SPMIP2: variants seen among roughly 807,000 people sequenced by gnomAD.
The protein encoded by SPMIP2 is sperm microtubule inner protein 2, also known as protein SPMIP2.
chr4:158,911,572 A>G, the SPMIP2 span, among the ~76,000 whole-genome samples: 4 of 73,224 alleles, frequency 5.5e-5, no homozygotes, highest in African/African-American at 3.0e-4. Flanking sequence ...TTGCCTCATC[A>G]AGTCCCCCGT....
chr4:159,025,827 G>A, the SPMIP2 span, among the ~76,000 whole-genome samples: 93 of 152,190 alleles, frequency 6.1e-4, no homozygotes, highest in Middle Eastern at 3.4e-3. Flanking sequence ...TTTAAAAACT[G>A]AGTTCAAAAG....
chr4:158,925,295 A>G, the SPMIP2 span, among the ~76,000 whole-genome samples: 1 of 152,278 alleles, frequency 6.6e-6, no homozygotes, highest in South Asian at 2.1e-4. Context: ...GGATTTATCA[A>G]TTTTATTGAA....
the SPMIP2 span, chr4:158,904,436 G>C: frequency 1.3e-6 from 2 of 1,554,610 alleles, no homozygotes; most frequent in East Asian, 2.2e-5. Flanking sequence ...CTCTTTTAAA[G>C]TAATATTCTT....
the SPMIP2 span, chr4:158,973,160 C>T: frequency 8.1e-5 from 131 of 1,612,998 alleles, 1 homozygote; most frequent in Middle Eastern, 1.6e-4. Context: ...CACTGACGTA[C>T]TCATGTTTAT....
chr4:158,932,727 A>C, the SPMIP2 span, among the ~76,000 whole-genome samples: 4 of 152,142 alleles, frequency 2.6e-5, no homozygotes, highest in Non-Finnish European at 4.4e-5. Context: ...ACAAGTCAAA[A>C]ATGACATTTC....
At chr4:158,969,264 C>A in the SPMIP2 span, among the ~76,000 whole-genome samples, 1 of 152,116 alleles carries the variant, frequency 6.6e-6, no homozygotes, top group Non-Finnish European at 1.5e-5. Flanking sequence ...AGAGGAGATA[C>A]AACCAGCTAA....
the SPMIP2 span, among the ~76,000 whole-genome samples, chr4:159,041,793 A>G: frequency 1.3e-5 from 2 of 152,314 alleles, no homozygotes; most frequent in African/African-American, 4.8e-5. Flanking sequence ...GACACTTACT[A>G]TGTGCCAGAC....
chr4:158,991,997 T>TC, the SPMIP2 span, among the ~76,000 whole-genome samples: 1 of 152,200 alleles, frequency 6.6e-6, no homozygotes, highest in African/African-American at 2.4e-5. Flanking sequence ...GCTCCAGGGA[T>TC]CCTCCTGACT....
chr4:159,047,179 C>A, the SPMIP2 span, among the ~76,000 whole-genome samples: 15 of 152,182 alleles, frequency 9.9e-5, no homozygotes, highest in African/African-American at 3.6e-4. Context: ...TCAAAAAAAT[C>A]TAATCTTGTG....
At chr4:159,026,607 C>CT in the SPMIP2 span, 11 of 341,070 alleles carry the variant, frequency 3.2e-5, no homozygotes, top group East Asian at 6.1e-5. Context: ...CATACTGCTT[C>CT]TTTTTTTTCA....
At chr4:159,027,063 G>C in the SPMIP2 span, among the ~76,000 whole-genome samples, 1 of 151,756 alleles carries the variant, frequency 6.6e-6, no homozygotes, top group Non-Finnish European at 1.5e-5. Context: ...TTTAAGGTAG[G>C]ATTGATTTGG....
At chr4:159,057,643 T>C in the SPMIP2 span, among the ~76,000 whole-genome samples, 1 of 152,174 alleles carries the variant, frequency 6.6e-6, no homozygotes, top group African/African-American at 2.4e-5. Context: ...CAAATATGTT[T>C]ATTGCCTCAT....
the SPMIP2 span, among the ~76,000 whole-genome samples, chr4:158,953,127 AAAC>A: frequency 5.9e-5 from 9 of 152,220 alleles, no homozygotes; most frequent in Non-Finnish European, 1.3e-4. Flanking sequence ...TTAATCCCCA[AAAC>A]AACAGGGAAA....
chr4:159,013,497 T>C, the SPMIP2 span, among the ~76,000 whole-genome samples: 1 of 152,208 alleles, frequency 6.6e-6, no homozygotes, highest in South Asian at 2.1e-4. Flanking sequence ...CCTCTTCCTG[T>C]CTGGTAGGAG....
chr4:158,941,077 T>C, the SPMIP2 span, among the ~76,000 whole-genome samples: 4 of 152,300 alleles, frequency 2.6e-5, no homozygotes, highest in African/African-American at 9.6e-5. Context: ...AGCTACTGAG[T>C]TGATCTCTAT....
At chr4:159,025,231 C>G in the SPMIP2 span, among the ~76,000 whole-genome samples, 1 of 152,210 alleles carries the variant, frequency 6.6e-6, no homozygotes, top group Non-Finnish European at 1.5e-5. Flanking sequence ...GTGGCATGAT[C>G]TTGGCTCACT....
At chr4:158,986,836 G>A in the SPMIP2 span, among the ~76,000 whole-genome samples, 1 of 147,026 alleles carries the variant, frequency 6.8e-6, no homozygotes, top group Non-Finnish European at 1.5e-5. Context: ...CCATCAGAGC[G>A]AACAGGCAAC....
At chr4:158,896,612 T>C in the SPMIP2 span, among the ~76,000 whole-genome samples, 1 of 152,180 alleles carries the variant, frequency 6.6e-6, no homozygotes, top group South Asian at 2.1e-4. Context: ...GGGGCCTTTG[T>C]GTTTTGCTTA....
At chr4:158,909,305 T>A in the SPMIP2 span, 1 of 151,934 alleles carries the variant, frequency 6.6e-6, no homozygotes, top group Non-Finnish European at 1.5e-5. Flanking sequence ...AGTAGATATT[T>A]CAAAATCCTT....
Sources: gnomAD v4.1 joint callset for allele counts (sites outside exome capture counted in the v4.1 genomes callset) on GRCh38, gnomAD v4.1.1 for gene constraint, MANE v1.5 for transcripts, NCBI Gene and HGNC (gene_info 2026-07-23, HGNC 2026-07-21) for gene names.